Variants in OXR1 observed in about 807,000 individuals in gnomAD.
OXR1 encodes oxidation resistance 1, also known as oxidation resistance protein 1.
In OXR1, 41 loss-of-function variants were observed where a neutral mutation model predicts 104.6. The observed-to-expected ratio is 0.39, with a 90% confidence interval of 0.31 to 0.51. OXR1 has a LOEUF of 0.51. Ranked by LOEUF, OXR1 falls within the 20% of genes least tolerant of loss-of-function variation. The pLI is 0.77. For synonymous variants in OXR1, 348 were observed against 348.4 expected, an observed-to-expected ratio of 1.00 and a Z score of 0.01; for missense variants, 955 against 1,031.9, an observed-to-expected ratio of 0.93 and a Z score of 1.02.
At chr8:106,565,487 T>G (rs181692057) in intron 3 of OXR1, among the ~76,000 whole-genome samples, 1 of 151,742 alleles carries the variant, frequency 6.6e-6, no homozygotes, top group African/African-American at 2.4e-5. Context: ...AGGACAAAAA[T>G]AAATGGAAAA....
intron 13 of OXR1, among the ~76,000 whole-genome samples, chr8:106,739,966 T>C (rs1338505890): frequency 6.6e-6 from 1 of 152,158 alleles, no homozygotes; most frequent in Non-Finnish European, 1.5e-5. Context: ...AAAGCTTGAT[T>C]CCTAACTTGG....
At chr8:106,682,358 TC>T (rs1312835315) in intron 4 of OXR1, 1 of 145,258 alleles carries the variant, frequency 6.9e-6, no homozygotes, top group East Asian at 2.2e-4. Context: ...AAGCTCGGCC[TC>T]CTGGGTTCAC....
At chr8:106,276,592 A>G (rs1163086392) in intron 1 of OXR1, among the ~76,000 whole-genome samples, 1 of 152,148 alleles carries the variant, frequency 6.6e-6, no homozygotes, top group Admixed American at 6.5e-5. Context: ...GCATCATTTC[A>G]GCTTAGTTTA....
At chr8:106,333,596 G>T (rs1195475230) in intron 1 of OXR1, among the ~76,000 whole-genome samples, 1 of 152,000 alleles carries the variant, frequency 6.6e-6, no homozygotes, top group Non-Finnish European at 1.5e-5. Flanking sequence ...TTTCTTCTAA[G>T]ATTGTCGTAG....
chr8:106,478,992 T>C (rs1299448994), intron 2 of OXR1, among the ~76,000 whole-genome samples: 1 of 151,908 alleles, frequency 6.6e-6, no homozygotes, highest in Non-Finnish European at 1.5e-5. Context: ...CCCATACTTT[T>C]GATAATTCAT....
Position 106,342,014 on chromosome 8 carries a change from T to G in OXR1, c.-138-17462T>G, listed in dbSNP as rs1005874972. Among the ~76,000 whole-genome samples, 15 of 151,032 alleles carry G rather than the reference T, an allele frequency of 9.9e-5. 1 individual carries two copies. The highest frequency in any genetic ancestry group is 5.3e-4 in the Admixed American group (8 of 15,138). ...CCTCAGCCTCCAGAGTAACTGGGAT[T>G]ACAGATGCATACCACCATGCCCAGC... On this transcript the variant is annotated intron_variant, in intron 1 of 16. Transcript: ENST00000517566.
intron 2 of OXR1, among the ~76,000 whole-genome samples, chr8:106,493,288 G>T (rs1160708762): frequency 6.6e-6 from 1 of 152,144 alleles, no homozygotes; most frequent in Admixed American, 6.6e-5. Flanking sequence ...GTATGCATTT[G>T]TCATATACCT....
At chr8:106,637,780 T>TA (rs1823272034) in intron 3 of OXR1, among the ~76,000 whole-genome samples, 1 of 150,702 alleles carries the variant, frequency 6.6e-6, no homozygotes, top group Non-Finnish European at 1.5e-5. Flanking sequence ...TTTTTTTTTT[T>TA]AGACGGAGTC....
At chr8:106,720,283 A>C (rs1832715805) in intron 11 of OXR1, among the ~76,000 whole-genome samples, 1 of 152,180 alleles carries the variant, frequency 6.6e-6, no homozygotes, top group Admixed American at 6.5e-5. Flanking sequence ...GACCAATTAA[A>C]TCAGAATAAT....
intron 2 of OXR1, among the ~76,000 whole-genome samples, chr8:106,447,057 T>G (rs938788970): frequency 1.1e-4 from 16 of 152,240 alleles, no homozygotes; most frequent in African/African-American, 3.9e-4. Flanking sequence ...GTTCATTCTT[T>G]CTGGTAGTTC....
intron 7 of OXR1, among the ~76,000 whole-genome samples, chr8:106,701,000 A>C (rs369818920): frequency 6.6e-6 from 1 of 152,038 alleles, no homozygotes; most frequent in Non-Finnish European, 1.5e-5. Context: ...AATATACTCT[A>C]TCCTTGATTA....
Position 106,470,667 on chromosome 8 carries a change from G to A in OXR1, c.24-48276G>A, listed in dbSNP as rs546742405. 7.2e-5 allele frequency among the ~76,000 whole-genome samples: 11 copies of A among 151,762 alleles called. No homozygotes were observed. The East Asian group carries it at 2.1e-3, about 30-fold the overall frequency. ...GTATTTAAAGCCATGGCTTCACTGAGGCAGTAAGTGTAGATAGAAAAGAGA... is the reference window on the plus strand; with the variant it reads ...GTATTTAAAGCCATGGCTTCACTGAAGCAGTAAGTGTAGATAGAAAAGAGA... On this transcript the variant is annotated intron_variant, in intron 2 of 16. Coordinates refer to ENST00000517566, the MANE Select transcript of OXR1 (RefSeq NM_001198533.2).
chr8:106,296,925 GC>G (rs1468005358), intron 1 of OXR1, among the ~76,000 whole-genome samples: 1 of 152,162 alleles, frequency 6.6e-6, no homozygotes, highest in Non-Finnish European at 1.5e-5. Context: ...TATGAATATT[GC>G]TTTTCCTTGA....
chr8:106,309,014 T>C (rs939095658), intron 1 of OXR1, among the ~76,000 whole-genome samples: 1 of 151,950 alleles, frequency 6.6e-6, no homozygotes, highest in African/African-American at 2.4e-5. Context: ...GGTCTTGCTC[T>C]GTCATACAGG....
intron 2 of OXR1, among the ~76,000 whole-genome samples, chr8:106,430,053 T>A (rs538052809): frequency 6.6e-6 from 1 of 152,280 alleles, no homozygotes; most frequent in East Asian, 1.9e-4. Context: ...CTGTGTGTTG[T>A]GTGTAGAACT....
intron 3 of OXR1, among the ~76,000 whole-genome samples, chr8:106,600,716 C>T (rs754644357): frequency 2.6e-4 from 40 of 152,242 alleles, no homozygotes; most frequent in Admixed American, 5.9e-4. Context: ...ACAATGTGAT[C>T]TTACTTTTTC....
chr8:106,284,549 T>C (rs1812414250), intron 1 of OXR1, among the ~76,000 whole-genome samples: 1 of 152,130 alleles, frequency 6.6e-6, no homozygotes, highest in Admixed American at 6.6e-5. Flanking sequence ...AAAATCAGCA[T>C]GCCTAGCAAC....
chr8:106,580,072 A>G (rs1818124575), intron 3 of OXR1, among the ~76,000 whole-genome samples: 1 of 152,244 alleles, frequency 6.6e-6, no homozygotes, highest in South Asian at 2.1e-4. Context: ...AACTATAGGC[A>G]TGAGAATAAT....
intron 3 of OXR1, among the ~76,000 whole-genome samples, chr8:106,524,243 C>G (rs560824400): frequency 1.2e-4 from 18 of 152,180 alleles, no homozygotes; most frequent in Admixed American, 8.5e-4. Context: ...GCTTATTTCA[C>G]TACCCTTCAT....
Sources: allele counts gnomAD v4.1 joint callset (sites outside exome capture counted in the v4.1 genomes callset), GRCh38; gene constraint gnomAD v4.1.1; transcripts MANE v1.5; gene names NCBI Gene and HGNC (gene_info 2026-07-23, HGNC 2026-07-21).